The following FAM171A1 variants were observed in gnomAD, a reference collection of about 807,000 sequenced individuals.
FAM171A1 encodes protein FAM171A1.
In FAM171A1, 23 loss-of-function variants were observed where a neutral mutation model predicts 74.9. The ratio of observed to expected loss-of-function variants is 0.31; its 90% CI spans 0.22 to 0.44. The LOEUF (loss-of-function observed/expected upper bound fraction) is 0.44, where lower values mean the gene tolerates loss of function less well. Ranked by LOEUF, FAM171A1 falls within the 20% of genes least tolerant of loss-of-function variation. The probability of loss-of-function intolerance (pLI) is 1.00; values close to 1 mark genes in which losing one functional copy is unlikely to be tolerated. For synonymous variants in FAM171A1, 527 were observed against 505.7 expected (o/e 1.04, Z -0.57); for missense variants, 1,162 against 1,159.2 (o/e 1.00, Z -0.03).
At chr10:15,301,459 T>C (rs1588541844) in intron 1 of FAM171A1, among the ~76,000 whole-genome samples, 1 of 151,874 alleles carries the variant, frequency 6.6e-6, no homozygotes, top group African/African-American at 2.4e-5. Context: ...CGCCTTGGCC[T>C]CCCAAAGTGC....
chr10:15,249,269 T>C (rs1430245546), intron 4 of FAM171A1, among the ~76,000 whole-genome samples: 1 of 152,108 alleles, frequency 6.6e-6, no homozygotes, highest in South Asian at 2.1e-4. Context: ...ATAATTTTTG[T>C]ATTTTTAGTG....
intron 3 of FAM171A1, among the ~76,000 whole-genome samples, chr10:15,274,243 A>G (rs1165911102): frequency 5.3e-5 from 8 of 152,192 alleles, no homozygotes. Flanking sequence ...CACCAATAAC[A>G]GACAAACAGA....
At chr10:15,293,771 G>C (rs751780231) in intron 1 of FAM171A1, among the ~76,000 whole-genome samples, 2 of 152,166 alleles carry the variant, frequency 1.3e-5, no homozygotes, top group African/African-American at 4.8e-5. Flanking sequence ...TGTGGTTTAC[G>C]GAGGTCAGGG....
chr10:15,331,880 C>CAT (rs71390031), intron 1 of FAM171A1, among the ~76,000 whole-genome samples: 21 of 59,678 alleles, frequency 3.5e-4, no homozygotes, highest in Admixed American at 1.2e-3. Flanking sequence ...TGTGTGTATA[C>CAT]ATATATATAT....
At chr10:15,333,902 C>T (rs895918717) in intron 1 of FAM171A1, among the ~76,000 whole-genome samples, 2 of 151,996 alleles carry the variant, frequency 1.3e-5, no homozygotes, top group Admixed American at 1.3e-4. Flanking sequence ...CTATACTGGC[C>T]GTCTTTTCCC....
chr10:15,272,899 G>C (rs906306100), intron 3 of FAM171A1, among the ~76,000 whole-genome samples: 2 of 152,218 alleles, frequency 1.3e-5, no homozygotes, highest in Non-Finnish European at 2.9e-5. Flanking sequence ...GCAATGTGTA[G>C]AGAGAAATTT....
Position 15,371,152 on chromosome 10 carries a change from G to T in FAM171A1, c.-100C>A, listed in dbSNP as rs1446130214. 3 of 333,602 alleles carry T rather than the reference G, an allele frequency of 9.0e-6. No individual in the cohort carries two copies. Among genetic ancestry groups the T allele is most frequent in the Non-Finnish European group, 1.3e-5 (3 of 238,324 alleles). The allele number at this position is 333,602 out of a possible 1,614,324, so 20.7% of individuals were successfully genotyped here. A position where few individuals can be genotyped will look rare whatever the true frequency, so the allele number is the denominator to read the frequency against. On this transcript the variant is annotated 5_prime_UTR_variant, in exon 1 of 8. Transcript: ENST00000378116. ...CGCCGCGCCCCCCTCCATGTCGCTGGCTCCGCGCGCCGGGCCCGCCGCCCG... is the reference window on the plus strand; with the variant it reads ...CGCCGCGCCCCCCTCCATGTCGCTGTCTCCGCGCGCCGGGCCCGCCGCCCG...
intron 3 of FAM171A1, among the ~76,000 whole-genome samples, chr10:15,274,483 GC>G (rs1834867468): frequency 6.6e-6 from 1 of 152,128 alleles, no homozygotes; most frequent in Non-Finnish European, 1.5e-5. Flanking sequence ...TAGATTCAGT[GC>G]CATCCCCATC....
At chr10:15,285,442 A>C (rs1835024017) in intron 1 of FAM171A1, among the ~76,000 whole-genome samples, 1 of 152,196 alleles carries the variant, frequency 6.6e-6, no homozygotes. Flanking sequence ...TGGGTGAAGA[A>C]TGGGCTGAGG....
intron 1 of FAM171A1, among the ~76,000 whole-genome samples, chr10:15,288,532 A>T (rs17358413): frequency 0.16 from 23,625 of 152,178 alleles, 1,937 homozygotes; most frequent in Non-Finnish European, 0.18. Flanking sequence ...GATTTATGCA[A>T]TTTTATGGAA....
intron 1 of FAM171A1, among the ~76,000 whole-genome samples, chr10:15,305,360 C>T (rs1473710244): frequency 2.0e-5 from 3 of 152,068 alleles, no homozygotes; most frequent in Non-Finnish European, 4.4e-5. Flanking sequence ...GTCACCTTCC[C>T]GACTCTATAA....
intron 5 of FAM171A1, among the ~76,000 whole-genome samples, chr10:15,235,301 C>CAAAAAA (rs1193195866): frequency 4.5e-5 from 2 of 44,550 alleles, no homozygotes; most frequent in Non-Finnish European, 4.2e-5. Flanking sequence ...GACTCTGTCT[C>CAAAAAA]AAAAAAAAAA....
chr10:15,216,401 C>G (rs1225212176), intron 6 of FAM171A1, among the ~76,000 whole-genome samples: 1 of 152,096 alleles, frequency 6.6e-6, no homozygotes, highest in Non-Finnish European at 1.5e-5. Context: ...CACTTGGTAG[C>G]ATGTGCCGCA....
intron 1 of FAM171A1, among the ~76,000 whole-genome samples, chr10:15,335,640 C>G (rs1189430787): frequency 1.3e-5 from 2 of 152,156 alleles, no homozygotes; most frequent in African/African-American, 4.8e-5. Context: ...AGATGCTGAA[C>G]TTGTTTGATT....
intron 1 of FAM171A1, among the ~76,000 whole-genome samples, chr10:15,336,198 G>A (rs1315628535): frequency 6.6e-6 from 1 of 152,106 alleles, no homozygotes. Context: ...GAAACCTAGA[G>A]TCATACCAGG....
chr10:15,217,911 A>C (rs9424224), intron 6 of FAM171A1, among the ~76,000 whole-genome samples: 1 of 151,916 alleles, frequency 6.6e-6, no homozygotes, highest in African/African-American at 2.4e-5. Flanking sequence ...GATTACAGGC[A>C]TGAGCCACCG....
At position 15,275,934 on chromosome 10, in the gene FAM171A1, C is replaced by G; in HGVS notation, c.339G>C (p.Leu113=). ...KPIRLPVFSS[L]SLGLLPERSA... is the part of the protein sequence containing the mutation. ...AGCGTTCTGGAAGCAGGCCAAGGCT[C>G]AGAGAGGAAAATACTGCAGGAAAAA... Residue 113 remains leucine (L), a synonymous_variant, in exon 3 of 8, where the codon CTG becomes CTC. Coordinates refer to ENST00000378116, the MANE Select transcript of FAM171A1 (RefSeq NM_001010924.2). 1 of 1,610,858 alleles carries G rather than the reference C, an allele frequency of 6.2e-7. No individual in the cohort carries two copies. The highest frequency in any genetic ancestry group is 1.1e-5 in the South Asian group (1 of 90,456).
At chr10:15,346,524 A>G (rs1014901488) in intron 1 of FAM171A1, among the ~76,000 whole-genome samples, 3 of 152,196 alleles carry the variant, frequency 2.0e-5, no homozygotes, top group African/African-American at 7.2e-5. Flanking sequence ...AAGAACTCAC[A>G]GATCCTTTTT....
At chr10:15,263,624 C>G (rs1418717182) in intron 3 of FAM171A1, among the ~76,000 whole-genome samples, 2 of 152,042 alleles carry the variant, frequency 1.3e-5, no homozygotes, top group Non-Finnish European at 2.9e-5. Context: ...GTCTTCTGAC[C>G]CTTCCCCTCA....
Sources: gnomAD v4.1 joint callset for allele counts (sites outside exome capture counted in the v4.1 genomes callset) on GRCh38, gnomAD v4.1.1 for gene constraint, MANE v1.5 for transcripts, NCBI Gene and HGNC (gene_info 2026-07-23, HGNC 2026-07-21) for gene names.